Variants in NRXN1 observed in about 807,000 individuals in gnomAD.
NRXN1 encodes the protein neurexin-1.
Under a neutral mutation model 150.9 loss-of-function variants are expected in NRXN1, and 39 were observed. The ratio of observed to expected loss-of-function variants is 0.26; its 90% confidence interval spans 0.20 to 0.34. NRXN1 has a LOEUF of 0.34. NRXN1 is among the 10% of genes least tolerant of loss of function. The probability of loss-of-function intolerance (pLI) is 1.00; values close to 1 mark genes in which losing one functional copy is unlikely to be tolerated. For missense variants in NRXN1, 1,815 were observed against 1,949.9 expected (o/e 0.93, Z 1.30); for synonymous variants, 924 against 757.0 (o/e 1.22, Z -3.62).
At chr2:50,917,876 C>A (rs975860411) in intron 5 of NRXN1, 4 of 151,202 alleles carry the variant, frequency 2.6e-5, no homozygotes, top group Non-Finnish European at 5.9e-5. Flanking sequence ...TAAAAAAACA[C>A]CAAATGCTTT....
intron 18 of NRXN1, among the ~76,000 whole-genome samples, chr2:50,236,284 T>C (rs1036361711): frequency 1.3e-5 from 2 of 152,038 alleles, no homozygotes; most frequent in South Asian, 4.1e-4. Flanking sequence ...ACAGAAACAA[T>C]CTTTTTGCCA....
At chr2:50,888,711 C>T (rs17511912) in intron 5 of NRXN1, among the ~76,000 whole-genome samples, 19,965 of 151,372 alleles carry the variant, frequency 0.13, 1,530 homozygotes, top group Non-Finnish European at 0.18. Flanking sequence ...TTCTAATTGC[C>T]CTGACAATGT....
chr2:50,736,935 G>T (rs1698829548), intron 5 of NRXN1, among the ~76,000 whole-genome samples: 2 of 152,098 alleles, frequency 1.3e-5, no homozygotes, highest in African/African-American at 2.4e-5. Context: ...ATGAATAAAT[G>T]GATATTATAG....
chr2:50,960,544 G>C (rs1575061274), intron 2 of NRXN1, among the ~76,000 whole-genome samples: 1 of 151,904 alleles, frequency 6.6e-6, no homozygotes, highest in South Asian at 2.1e-4. Context: ...TGCACAACAA[G>C]AGAGACATAT....
intron 21 of NRXN1, among the ~76,000 whole-genome samples, chr2:49,945,822 A>G (rs552640167): frequency 3.3e-5 from 5 of 152,256 alleles, no homozygotes; most frequent in African/African-American, 7.2e-5. Flanking sequence ...AGTCTTTGCT[A>G]TTGTGAATAG....
intron 2 of NRXN1, among the ~76,000 whole-genome samples, chr2:50,970,228 G>T (rs896711128): frequency 6.6e-6 from 1 of 152,088 alleles, no homozygotes; most frequent in Non-Finnish European, 1.5e-5. Flanking sequence ...GACCTGCCTT[G>T]GGGAAGAGGG....
At chr2:50,815,165 T>C (rs952835173) in intron 5 of NRXN1, among the ~76,000 whole-genome samples, 3 of 152,130 alleles carry the variant, frequency 2.0e-5, no homozygotes, top group Non-Finnish European at 4.4e-5. Context: ...ATTGAGTAAT[T>C]ATGTTCCTTC....
At chr2:50,108,549 G>T (rs958499385) in intron 18 of NRXN1, among the ~76,000 whole-genome samples, 1 of 152,000 alleles carries the variant, frequency 6.6e-6, no homozygotes, top group Non-Finnish European at 1.5e-5. Context: ...TTTCAAAATT[G>T]AGAAATCTAT....
intron 15 of NRXN1, among the ~76,000 whole-genome samples, chr2:50,490,010 G>A (rs2091155616): frequency 6.6e-6 from 1 of 152,176 alleles, no homozygotes; most frequent in African/African-American, 2.4e-5. Context: ...GCAAAACCCG[G>A]GGATTCAATG....
At chr2:50,528,765 C>G in intron 11 of NRXN1, 114 bp from the exon 12 acceptor site, 2 of 625,776 alleles carry the variant, frequency 3.2e-6, no homozygotes. Context: ...CAAATATGGC[C>G]ACTCCATATC....
rs1034441066 is a variant in NRXN1 at position 50,890,209 on chromosome 2, A to C, written c.832+31660T>G. Among the ~76,000 whole-genome samples the C allele has an allele frequency of 3.3e-5, 5 of 151,958 alleles. No individual in the cohort carries two copies. The East Asian group carries it at 5.8e-4, about 18-fold the overall frequency. ...TGCTATCTGTTATGTTTAGCAAAAC[A>C]AATGTGTCATCCAGCAGTGTCATTA... On this transcript the variant is annotated intron_variant, in intron 5 of 22. Coordinates refer to ENST00000401669, the MANE Select transcript of NRXN1 (RefSeq NM_001330078.2).
intron 18 of NRXN1, among the ~76,000 whole-genome samples, chr2:50,152,738 C>T (rs2058767272): frequency 6.6e-6 from 1 of 151,782 alleles, no homozygotes; most frequent in Non-Finnish European, 1.5e-5. Flanking sequence ...GCTTCTCTCT[C>T]ACTACTTTTA....
At chr2:50,013,069 C>A (rs1349574893) in intron 21 of NRXN1, among the ~76,000 whole-genome samples, 3 of 151,972 alleles carry the variant, frequency 2.0e-5, no homozygotes, top group Non-Finnish European at 2.9e-5. Flanking sequence ...TCTCTAAATC[C>A]CTTAAATATC....
chr2:50,656,981 C>T (rs1287945144), intron 5 of NRXN1, among the ~76,000 whole-genome samples: 1 of 151,916 alleles, frequency 6.6e-6, no homozygotes, highest in Non-Finnish European at 1.5e-5. Context: ...GTAAGTTTTC[C>T]ACCTTCCTTG....
At chr2:49,994,517 G>A (rs1682583836) in intron 21 of NRXN1, among the ~76,000 whole-genome samples, 1 of 152,154 alleles carries the variant, frequency 6.6e-6, no homozygotes. Context: ...GATTCCTGAA[G>A]GTTAGAGTAT....
intron 5 of NRXN1, among the ~76,000 whole-genome samples, chr2:50,649,520 G>A (rs1022563741): frequency 6.6e-6 from 1 of 151,974 alleles, no homozygotes; most frequent in South Asian, 2.1e-4. Flanking sequence ...TCCATTTGCA[G>A]AAATGTGTTC....
intron 15 of NRXN1, among the ~76,000 whole-genome samples, chr2:50,493,928 T>A (rs1474855973): frequency 6.6e-6 from 1 of 152,216 alleles, no homozygotes; most frequent in African/African-American, 2.4e-5. Context: ...ATACTTACAG[T>A]GTTTTTTCTT....
Position 50,817,478 on chromosome 2 carries a change from G to C in NRXN1, c.832+104391C>G, listed in dbSNP as rs529116966. Among the ~76,000 whole-genome samples the C allele has an allele frequency of 2.0e-5, 3 of 152,006 alleles. No homozygotes were observed. In the East Asian group the frequency reaches 5.8e-4, roughly 29 times the overall value. On this transcript the variant is annotated intron_variant, in intron 5 of 22. Transcript: ENST00000401669. Reference sequence around the variant, plus strand: ...GAATTTTCTAAGAAATAGAAGAGAAGAGAACATTTCCATACTTATTTTATG... The same window carrying C: ...GAATTTTCTAAGAAATAGAAGAGAACAGAACATTTCCATACTTATTTTATG...
chr2:49,962,379 T>TA (rs1341575193), intron 21 of NRXN1, among the ~76,000 whole-genome samples: 2 of 152,232 alleles, frequency 1.3e-5, no homozygotes, highest in African/African-American at 2.4e-5. Context: ...TTGAGAATTG[T>TA]AATGACTCTG....
Sources: gnomAD v4.1 joint callset for allele counts (sites outside exome capture counted in the v4.1 genomes callset) on GRCh38, gnomAD v4.1.1 for gene constraint, MANE v1.5 for transcripts, NCBI Gene and HGNC (gene_info 2026-07-23, HGNC 2026-07-21) for gene names.